The following TYW3 variants were observed in gnomAD, a reference collection of about 807,000 sequenced individuals.
TYW3 encodes tRNA wybutosine-synthesizing protein 3 homolog.
A neutral mutation model predicts 23.1 loss-of-function variants in TYW3; 26 were observed. The observed-to-expected ratio is 1.13, with a 90% CI of 0.83 to 1.56. The LOEUF (loss-of-function observed/expected upper bound fraction) is 1.56. Among genes scored for constraint, TYW3 ranks in the 40% most tolerant of loss-of-function variants. The pLI is 0.00. For synonymous variants in TYW3, 102 were observed against 105.7 expected, an observed-to-expected ratio of 0.97 and a Z score of 0.21; for missense variants, 316 against 311.9, an observed-to-expected ratio of 1.01 and a Z score of -0.10.
chr1:74,763,810 T>C, intron 5 of TYW3, 84 bp from the exon 6 acceptor site: 1 of 1,042,376 alleles, frequency 9.6e-7, no homozygotes, highest in East Asian at 2.5e-5. Flanking sequence ...TAGTCAAATT[T>C]ACATAACTTA....
chr1:74,749,634 A>T lies in TYW3; in HGVS notation c.426+812A>T, dbSNP rs538397222. Among the ~76,000 whole-genome samples, 4 of 152,258 alleles carry T rather than the reference A, an allele frequency of 2.6e-5. No homozygotes were observed. In the East Asian group the frequency reaches 7.7e-4, roughly 29 times the overall value. Reference sequence around the variant, plus strand: ...TAACCTATTTCCCAAATAGGGGTGGATGACAAAAGAGGACACCCTTAAAGC... The same window carrying T: ...TAACCTATTTCCCAAATAGGGGTGGTTGACAAAAGAGGACACCCTTAAAGC... On this transcript the variant is annotated intron_variant, in intron 4 of 5. Coordinates refer to ENST00000370867, the MANE Select transcript of TYW3 (RefSeq NM_138467.3).
chr1:74,763,949 C>T lies in TYW3; in HGVS notation c.616C>T (p.Pro206Ser). The T allele has an allele frequency of 6.2e-7, 1 of 1,608,398 alleles. No individual in the cohort carries two copies. The highest frequency in any genetic ancestry group is 8.5e-7 in the Non-Finnish European group (1 of 1,178,548). The change falls in exon 6 of 6, where the codon CCC (proline) becomes TCC (serine). Residue 206 changes from proline to serine, a missense_variant. Transcript: ENST00000370867. The stretch of plus-strand genomic sequence containing the variant: ...AAGGGAAACGATGACTAACTTACAT[C>T]CCAAGATCAAAGAGAAAAATAACTC... ...LERETMTNLH[P>S]KIKEKNNSSY...
intron 5 of TYW3, among the ~76,000 whole-genome samples, chr1:74,755,580 A>G (rs1186649624): frequency 6.6e-6 from 1 of 152,230 alleles, no homozygotes; most frequent in East Asian, 1.9e-4. Flanking sequence ...TGATGTGTCA[A>G]TGGACATTTA....
intron 5 of TYW3, among the ~76,000 whole-genome samples, chr1:74,754,240 C>T (rs555436039): frequency 6.6e-6 from 1 of 152,256 alleles, no homozygotes; most frequent in African/African-American, 2.4e-5. Flanking sequence ...TAACTGTACA[C>T]CTGGTGAAGT....
chr1:74,754,350 G>A (rs1367799173), intron 5 of TYW3, among the ~76,000 whole-genome samples: 1 of 152,170 alleles, frequency 6.6e-6, no homozygotes, highest in Non-Finnish European at 1.5e-5. Flanking sequence ...GCCATTAAGA[G>A]CCACGCTTAT....
At chr1:74,733,925 T>A (rs1648025119) in intron 1 of TYW3, among the ~76,000 whole-genome samples, 1 of 152,122 alleles carries the variant, frequency 6.6e-6, no homozygotes, top group African/African-American at 2.4e-5. Flanking sequence ...ACAACTCTAG[T>A]AGTTTTACGC....
At position 74,733,403 on chromosome 1, in the gene TYW3, C is replaced by T; in HGVS notation, c.159C>T (p.Ile53=). The T allele has an allele frequency of 6.2e-7, 1 of 1,614,238 alleles. No homozygotes were observed. The highest frequency in any genetic ancestry group is 8.5e-7 in the Non-Finnish European group (1 of 1,180,036). ...CCACCAGCTCCTGCGCTGGCCGCAT[C>T]CTACTCCTTGACCGGGTGAGGCCCC... ...FFTTSSCAGR[I]LLLDRGINGF... Residue 53 remains isoleucine, a synonymous_variant, in exon 1 of 6, where the codon ATC becomes ATT. Transcript: ENST00000370867.
chr1:74,751,648 C>A (rs1648790362), intron 4 of TYW3, among the ~76,000 whole-genome samples: 1 of 148,284 alleles, frequency 6.7e-6, no homozygotes, highest in Middle Eastern at 3.5e-3. Context: ...CCAGCCGGGG[C>A]AACAAGAGTG....
intron 1 of TYW3, 46 bp downstream of exon 1, chr1:74,733,464 A>G (rs1647991534): frequency 6.2e-7 from 1 of 1,606,036 alleles, no homozygotes; most frequent in Non-Finnish European, 8.5e-7. Context: ...CTAGTGCGAA[A>G]CTTCAGGAGC....
rs368598433 is a variant in TYW3 at position 74,762,645 on chromosome 1, G to A, written c.561-1249G>A. 3.7e-3 allele frequency among the ~76,000 whole-genome samples: 565 copies of A among 152,158 alleles called. 2 individuals carry two copies. Among genetic ancestry groups the A allele is most frequent in the Non-Finnish European group, 6.3e-3 (431 of 67,990 alleles). On this transcript the variant is annotated intron_variant, in intron 5 of 5. Coordinates refer to ENST00000370867, the MANE Select transcript of TYW3 (RefSeq NM_138467.3). ...TCATTTTTGATAACTAACTCTCTGG[G>A]TACTTACATATATCATCTGTAATCC...
rs1203525382 is a variant in TYW3, at chr1:74,766,276, TA to T, written c.*2167del. On this transcript the variant is annotated 3_prime_UTR_variant, in exon 6 of 6. Coordinates refer to ENST00000370867, the MANE Select transcript of TYW3 (RefSeq NM_138467.3). ...GGTATACTACTTAAAATGTTAACTG[TA>T]AAACAGCTTCTGACAGGTCCTTCAG... 1 of 152,142 alleles carries T rather than the reference TA, an allele frequency of 6.6e-6. No homozygotes were observed. Among genetic ancestry groups the T allele is most frequent in the Non-Finnish European group, 1.5e-5 (1 of 68,030 alleles). The allele number at this position is 152,142 out of a possible 1,614,324, so 9.4% of individuals were successfully genotyped here.
In TYW3 at chr1:74,738,691, T is replaced by C; in HGVS notation, c.257T>C (p.Ile86Thr). 6.2e-7 allele frequency: 1 copy of C among 1,602,878 alleles called. No homozygotes were observed. Among genetic ancestry groups the C allele is most frequent in the African/African-American group, 1.3e-5 (1 of 74,966 alleles). ...TGATACCACTGTTCATTTATTTAGA[T>C]TGTAGCTCTGAAGAAAGCAAATGGT... is the stretch of plus-strand genomic sequence containing the variant. Reference protein sequence around the residue: ...THKLCVKDDVIVALKKANGDA... With the variant: ...THKLCVKDDVTVALKKANGDA... The change falls in exon 3 of 6, where the codon ATT (isoleucine) becomes ACT (threonine). Residue 86 changes from isoleucine to threonine, a missense_variant and splice_region_variant. Transcript: ENST00000370867.
At chr1:74,747,801 A>G (rs573964333) in intron 3 of TYW3, among the ~76,000 whole-genome samples, 3 of 143,358 alleles carry the variant, frequency 2.1e-5, no homozygotes, top group Non-Finnish European at 3.2e-5. Flanking sequence ...GTGTACATAT[A>G]TATGTGTACA....
chr1:74,752,813 G>C (rs953666664), intron 5 of TYW3, among the ~76,000 whole-genome samples: 1 of 152,164 alleles, frequency 6.6e-6, no homozygotes, highest in Non-Finnish European at 1.5e-5. Flanking sequence ...AGATTACCTA[G>C]TCTTTCCTGT....
Position 74,766,189 on chromosome 1 carries a change from CATA to C in TYW3, c.*2080_*2082del, listed in dbSNP as rs911826384. The C allele has an allele frequency of 6.6e-6, 1 of 151,942 alleles. No homozygotes were observed. The highest frequency in any genetic ancestry group is 1.5e-5 in the Non-Finnish European group (1 of 67,910). The allele number at this position is 151,942 out of a possible 1,614,324, so 9.4% of individuals were successfully genotyped here. A position where few individuals can be genotyped will look rare whatever the true frequency, so the allele number is the denominator to read the frequency against. On this transcript the variant is annotated 3_prime_UTR_variant, in exon 6 of 6. Coordinates refer to ENST00000370867, the MANE Select transcript of TYW3 (RefSeq NM_138467.3). ...TACATATAATTATGTACAGTGCATA[CATA>C]ATACTTGATAATATGTTACTGGTTT... is the stretch of plus-strand genomic sequence containing the variant.
intron 4 of TYW3, among the ~76,000 whole-genome samples, chr1:74,749,913 G>A (rs544359890): frequency 5.3e-5 from 8 of 152,208 alleles, no homozygotes; most frequent in South Asian, 4.2e-4. Context: ...CAGAGATCAC[G>A]CCACTGCGCT....
At chr1:74,741,859 A>G (rs975246172) in intron 3 of TYW3, among the ~76,000 whole-genome samples, 6 of 152,126 alleles carry the variant, frequency 3.9e-5, no homozygotes, top group African/African-American at 1.4e-4. Context: ...TGAGTGTTTC[A>G]TTTGCCTTCT....
chr1:74,733,344 G>A lies in TYW3; in HGVS notation c.100G>A (p.Val34Met), dbSNP rs201364986. The change falls in exon 1 of 6, where the codon GTG (valine) becomes ATG (methionine). Residue 34 changes from valine (V) to methionine (M), a missense_variant. Val to Met is a conservative substitution (Grantham distance 21). Coordinates refer to ENST00000370867, the MANE Select transcript of TYW3 (RefSeq NM_138467.3). ...GSVDEDVVELVQFLNMRDQFF... is the reference protein window; with the variant it reads ...GSVDEDVVELMQFLNMRDQFF... ...TGTTGACGAGGATGTGGTAGAGCTT[G>A]TGCAGTTTCTGAACATGCGAGATCA... 230 of 1,614,092 alleles carry A rather than the reference G, an allele frequency of 1.4e-4. 3 individuals are homozygous for A. Among genetic ancestry groups the A allele is most frequent in the Admixed American group, 9.0e-4 (54 of 60,004 alleles).
chr1:74,742,458 C>A (rs563302830), intron 3 of TYW3, among the ~76,000 whole-genome samples: 1 of 152,238 alleles, frequency 6.6e-6, no homozygotes, highest in South Asian at 2.1e-4. Flanking sequence ...CGTGAAAGTC[C>A]CCACTCTGTT....
Sources: gnomAD v4.1 joint callset for allele counts (sites outside exome capture counted in the v4.1 genomes callset) on GRCh38, gnomAD v4.1.1 for gene constraint, MANE v1.5 for transcripts, NCBI Gene and HGNC (gene_info 2026-07-23, HGNC 2026-07-21) for gene names.